The following SACS variants were observed in gnomAD, a reference collection of about 807,000 sequenced individuals.
The protein encoded by SACS is sacsin molecular chaperone.
A neutral mutation model predicts 348.0 loss-of-function variants in SACS; 197 were observed. The ratio of observed to expected loss-of-function variants is 0.57; its 90% CI spans 0.50 to 0.64. The LOEUF (loss-of-function observed/expected upper bound fraction) is 0.64. SACS is among the 30% of genes least tolerant of loss of function. SACS has a pLI of 0.00. For missense variants in SACS, 4,999 were observed against 5,360.8 expected, an observed-to-expected ratio of 0.93 and a Z score of 2.11; for synonymous variants, 1,985 against 1,910.6, an observed-to-expected ratio of 1.04 and a Z score of -1.02.
chr13:23,388,487 G>A (rs9552939), intron 2 of SACS, among the ~76,000 whole-genome samples: 23,523 of 140,010 alleles, frequency 0.17, 2,131 homozygotes, highest in South Asian at 0.31. Flanking sequence ...TGGTGTGTGT[G>A]TATATATATA....
In SACS at chr13:23,358,365, T is replaced by G. The variant is rs1358600922; in HGVS notation, c.574A>C (p.Ile192Leu). ...DDPLKVGRFG[I>L]GFNSVYHITD... is the part of the protein sequence containing the mutation. ...ATATGATAGACAGAATTAAACCCAA[T>G]TCCAAATCTTCCGACCTTCAGAGGA... Residue 192 changes from isoleucine (I) to leucine (L), a missense_variant, in exon 7 of 10, where the codon ATT becomes CTT. By Grantham distance (5) the Ile-to-Leu change is conservative. This residue lies in a region of SACS where 3,156 missense variants were observed against 3,380.1 expected (regional missense o/e 0.93). Coordinates refer to ENST00000382292, the MANE Select transcript of SACS (RefSeq NM_014363.6). 5 of 1,614,174 alleles carry G rather than the reference T, an allele frequency of 3.1e-6. No individual in the cohort carries two copies. Among genetic ancestry groups the G allele is most frequent in the Non-Finnish European group, 4.2e-6 (5 of 1,180,006 alleles).
At chr13:23,387,463 G>GAAAAA (rs60355580) in intron 2 of SACS, among the ~76,000 whole-genome samples, 4 of 91,356 alleles carry the variant, frequency 4.4e-5, no homozygotes, top group Non-Finnish European at 8.0e-5. Flanking sequence ...CTCCGTCTCA[G>GAAAAA]AAAAAAAAAA....
chr13:23,399,706 A>T (rs1784343076), intron 2 of SACS, among the ~76,000 whole-genome samples: 3 of 152,062 alleles, frequency 2.0e-5, no homozygotes, highest in Admixed American at 2.0e-4. Flanking sequence ...CTTCTGCAGA[A>T]GTAAATTTGT....
rs759852681 is a variant in SACS, at chr13:23,338,370, C to T, written c.5506G>A (p.Glu1836Lys). The change falls in exon 10 of 10, where the codon GAG (glutamate) becomes AAG (lysine). Residue 1836 changes from glutamate (E) to lysine (K), a missense_variant. Glu to Lys is a moderately conservative substitution (Grantham distance 56, BLOSUM62 1). Transcript: ENST00000382292. ...ACCAGTCCTAGTCTTCTTCCACTCT[C>T]ACTCAGGGAAAACTTCAGAGCCTCT... is the stretch of plus-strand genomic sequence containing the variant. Reference protein sequence around the residue: ...TGEALKFSLSESGRRLGLVPC... With the variant: ...TGEALKFSLSKSGRRLGLVPC... The T allele has an allele frequency of 1.2e-6, 2 of 1,614,048 alleles. No homozygotes were observed. The highest frequency in any genetic ancestry group is 1.3e-5 in the African/African-American group (1 of 74,930).
chr13:23,339,611 A>G lies in SACS; in HGVS notation c.4265T>C (p.Val1422Ala). Reference sequence around the variant, plus strand: ...AGTTTTCATGGGTATGTCCTCATGCACCAAAATGATTGGTTCCACAGAATC... The same window carrying G: ...AGTTTTCATGGGTATGTCCTCATGCGCCAAAATGATTGGTTCCACAGAATC... ...LEDSVEPIIL[V>A]HEDIPMKTAE... is the part of the protein sequence containing the mutation. The change falls in exon 10 of 10, where the codon GTG becomes GCG. Residue 1422 changes from valine to alanine, a missense_variant. Around this residue, in one of 6 missense-constraint regions of SACS, gnomAD observed 3,156 missense variants for 3,380.1 expected, o/e 0.93. Transcript: ENST00000382292. 1 of 1,611,784 alleles carries G rather than the reference A, an allele frequency of 6.2e-7. No individual in the cohort carries two copies. Among genetic ancestry groups the G allele is most frequent in the Non-Finnish European group, 8.5e-7 (1 of 1,178,150 alleles).
intron 2 of SACS, among the ~76,000 whole-genome samples, chr13:23,399,429 C>T (rs1290976679): frequency 1.3e-5 from 2 of 152,134 alleles, no homozygotes; most frequent in African/African-American, 4.8e-5. Context: ...TAAACTGCCC[C>T]TCCCGCCGAA....
In SACS at chr13:23,337,338, C is replaced by A; in HGVS notation, c.6538G>T (p.Ala2180Ser). The A allele has an allele frequency of 1.9e-6, 3 of 1,613,942 alleles. No homozygotes were observed. The highest frequency in any genetic ancestry group is 2.2e-5 in the East Asian group (1 of 44,866). Residue 2180 changes from alanine (A) to serine (S), a missense_variant, in exon 10 of 10, where the codon GCT becomes TCT. Ala to Ser is a moderately conservative substitution (Grantham distance 99). This residue lies in a region of SACS where 3,156 missense variants were observed against 3,380.1 expected (regional missense o/e 0.93). Coordinates refer to ENST00000382292, the MANE Select transcript of SACS (RefSeq NM_014363.6). ...AAGATACTACTTCTTAGGCATGCAG[C>A]AACATGATCACTTTTATTAATTTCA... is the stretch of plus-strand genomic sequence containing the variant. ...VAEINKSDHV[A>S]ACLRSSILLS...
In SACS at chr13:23,328,886, T is replaced by C. The variant is rs1883300108; in HGVS notation, c.*1250A>G. 1 of 152,694 alleles carries C rather than the reference T, an allele frequency of 6.5e-6. No individual in the cohort carries two copies. The allele number at this position is 152,694 out of a possible 1,614,324, so 9.5% of individuals were successfully genotyped here. ...ATGGCACTTTATATAACAGCAGAAA[T>C]AATTACATGATTTCACATCCAGAAG... On this transcript the variant is annotated 3_prime_UTR_variant, in exon 10 of 10. Coordinates refer to ENST00000382292, the MANE Select transcript of SACS (RefSeq NM_014363.6).
Position 23,339,842 on chromosome 13 carries a change from T to C in SACS, c.4034A>G (p.Gln1345Arg). Residue 1345 changes from glutamine (Q) to arginine (R), a missense_variant, in exon 10 of 10, where the codon CAA (glutamine) becomes CGA (arginine). Physicochemically the swap from Gln to Arg is conservative, Grantham distance 43. Coordinates refer to ENST00000382292, the MANE Select transcript of SACS (RefSeq NM_014363.6). ...VIQKIYLKSDQDLSEQESKQN... is the reference protein window; with the variant it reads ...VIQKIYLKSDRDLSEQESKQN... ...TTTGCTTTCTTGTTCACTGAGATCT[T>C]GGTCACTTTTGAGATATATCTTCTG... 1 of 1,613,306 alleles carries C rather than the reference T, an allele frequency of 6.2e-7. No individual in the cohort carries two copies. Among genetic ancestry groups the C allele is most frequent in the Non-Finnish European group, 8.5e-7 (1 of 1,179,634 alleles).
intron 1 of SACS, among the ~76,000 whole-genome samples, chr13:23,413,661 T>C (rs1254590856): frequency 6.6e-6 from 1 of 152,240 alleles, no homozygotes. Context: ...AAGAGCTCCA[T>C]ATTCACTGTA....
intron 7 of SACS, among the ~76,000 whole-genome samples, chr13:23,356,245 C>T (rs1169713130): frequency 1.3e-5 from 2 of 152,134 alleles, no homozygotes; most frequent in Non-Finnish European, 2.9e-5. Context: ...ACTGTGAAAA[C>T]CTAGGAGACA....
At chr13:23,346,475 T>C (rs578032811) in intron 9 of SACS, among the ~76,000 whole-genome samples, 1 of 152,272 alleles carries the variant, frequency 6.6e-6, no homozygotes, top group East Asian at 1.9e-4. Context: ...AATATTTGTG[T>C]GCGTCGTATA....
intron 7 of SACS, among the ~76,000 whole-genome samples, chr13:23,357,919 A>G (rs1870496681): frequency 6.6e-6 from 1 of 152,230 alleles, no homozygotes; most frequent in African/African-American, 2.4e-5. Context: ...ATACCATTAG[A>G]TATTATACCT....
intron 2 of SACS, among the ~76,000 whole-genome samples, chr13:23,387,723 A>G (rs901105378): frequency 2.6e-5 from 4 of 152,170 alleles, no homozygotes; most frequent in African/African-American, 4.8e-5. Flanking sequence ...AGTTTACCCA[A>G]TGGACAGCAT....
intron 2 of SACS, among the ~76,000 whole-genome samples, chr13:23,409,955 T>C (rs1353096222): frequency 6.6e-6 from 1 of 152,190 alleles, no homozygotes; most frequent in Non-Finnish European, 1.5e-5. Flanking sequence ...TCAATGATTC[T>C]ACATAGTCAC....
Position 23,334,495 on chromosome 13 carries a change from T to G in SACS, c.9381A>C (p.Lys3127Asn). ...CTAAAAGTTTTAAACTATGAAAAAGTTTTAGATTAGTCTGCTGCAGACGAC... is the reference window on the plus strand; with the variant it reads ...CTAAAAGTTTTAAACTATGAAAAAGGTTTAGATTAGTCTGCTGCAGACGAC... ...LPCRLQQTNL[K>N]LFHSLKLLVD... Residue 3127 changes from lysine (K) to asparagine (N), a missense_variant, in exon 10 of 10, where the codon AAA (lysine) becomes AAC (asparagine). By Grantham distance (94) the Lys-to-Asn change is moderately conservative (BLOSUM62 0). This residue lies in a region of SACS where 734 missense variants were observed against 694.0 expected (regional missense o/e 1.06). Coordinates refer to ENST00000382292, the MANE Select transcript of SACS (RefSeq NM_014363.6). 10 of 1,613,134 alleles carry G rather than the reference T, an allele frequency of 6.2e-6. No individual in the cohort carries two copies. The highest frequency in any genetic ancestry group is 2.7e-5 in the African/African-American group (2 of 74,990).
intron 9 of SACS, among the ~76,000 whole-genome samples, chr13:23,342,798 G>C (rs1287442969): frequency 1.3e-5 from 2 of 152,174 alleles, no homozygotes; most frequent in Non-Finnish European, 2.9e-5. Flanking sequence ...CTGAAGCTGA[G>C]GCAGCAATGA....
At position 23,355,431 on chromosome 13, in the gene SACS, A is replaced by G; in HGVS notation, c.1181T>C (p.Val394Ala). The change falls in exon 8 of 10, where the codon GTG (valine) becomes GCG (alanine). Residue 394 changes from valine (V) to alanine (A), a missense_variant. Physicochemically the swap from Val to Ala is moderately conservative, Grantham distance 64 (BLOSUM62 0). Coordinates refer to ENST00000382292, the MANE Select transcript of SACS (RefSeq NM_014363.6). ...CCCTCGCCCACCCACACTGTTACAC[A>G]CCAACCAAGATGTTTTCTGTGCATC... ...TKDAQKTSWL[V>A]CNSVGGRGIS... 6.2e-7 allele frequency: 1 copy of G among 1,614,154 alleles called. No individual in the cohort carries two copies. Among genetic ancestry groups the G allele is most frequent in the Non-Finnish European group, 8.5e-7 (1 of 1,180,024 alleles).
rs1593118620 is a variant in SACS at position 23,330,053 on chromosome 13, T to C, written c.*83A>G. 6 of 1,225,180 alleles carry C rather than the reference T, an allele frequency of 4.9e-6. No homozygotes were observed. The highest frequency in any genetic ancestry group is 4.9e-5 in the East Asian group (2 of 40,826). 75.9% of individuals were successfully genotyped at this position (1,225,180 alleles called of 1,614,324 possible). A position where few individuals can be genotyped will look rare whatever the true frequency, so the allele number is the denominator to read the frequency against. On this transcript the variant is annotated 3_prime_UTR_variant, in exon 10 of 10. Transcript: ENST00000382292. ...AATGTGCTTAACAATTCCTAGCTAA[T>C]TGGCAATGAAGCTTAATGAAGTACA...
Sources: allele counts gnomAD v4.1 joint callset (sites outside exome capture counted in the v4.1 genomes callset), GRCh38; gene constraint gnomAD v4.1.1; regional missense constraint gnomAD v4.1.1; transcripts MANE v1.5; gene names NCBI Gene and HGNC (gene_info 2026-07-23, HGNC 2026-07-21).